ERBB4: variants seen among roughly 807,000 people sequenced by gnomAD.
The protein encoded by ERBB4 is erb-b2 receptor tyrosine kinase 4.
ERBB4 carries 42 observed loss-of-function variants against 158.0 expected under a neutral mutation model. The observed-to-expected ratio is 0.27, with a 90% CI of 0.21 to 0.34. ERBB4 has a LOEUF of 0.34. Ranked by LOEUF, ERBB4 falls within the 10% of genes least tolerant of loss-of-function variation. The pLI, the probability that ERBB4 is intolerant of heterozygous loss-of-function variation, is 1.00. For missense variants in ERBB4, 1,333 were observed against 1,624.1 expected (o/e 0.82, Z 3.08); for synonymous variants, 583 against 558.7 (o/e 1.04, Z -0.61).
intron 1 of ERBB4, among the ~76,000 whole-genome samples, chr2:212,215,527 A>G (rs984863580): frequency 6.6e-6 from 1 of 151,438 alleles, no homozygotes; most frequent in African/African-American, 2.4e-5. Context: ...TTTATATAGC[A>G]TGAAATAGAA....
At chr2:211,677,829 G>A (rs150766210) in intron 13 of ERBB4, among the ~76,000 whole-genome samples, 4,132 of 152,132 alleles carry the variant, frequency 0.027, 158 homozygotes, top group African/African-American at 0.082. Context: ...AGTCGAGATC[G>A]CACCACTGCG....
intron 1 of ERBB4, among the ~76,000 whole-genome samples, chr2:212,162,291 C>T (rs1196271227): frequency 6.6e-6 from 1 of 151,812 alleles, no homozygotes; most frequent in African/African-American, 2.4e-5. Context: ...ACCTTAAAAA[C>T]ATTATCTTTG....
chr2:212,314,064 AAAGT>A lies in ERBB4; in HGVS notation c.83-189165_83-189162del, dbSNP rs756438870. On this transcript the variant is annotated intron_variant, in intron 1 of 27. Transcript: ENST00000342788. ...AGACCAGAGGTCTTCTCGCTAAAAT[AAAGT>A]AAGATCCTACTTTAAGTTGGCTAAA... Among the ~76,000 whole-genome samples, 59 of 151,210 alleles carry A rather than the reference AAAGT, an allele frequency of 3.9e-4. 1 individual carries two copies. Among genetic ancestry groups the A allele is most frequent in the Non-Finnish European group, 8.9e-5 (6 of 67,424 alleles).
chr2:211,724,439 T>A (rs1384404676), intron 6 of ERBB4, among the ~76,000 whole-genome samples: 1 of 151,888 alleles, frequency 6.6e-6, no homozygotes, highest in East Asian at 1.9e-4. Flanking sequence ...TTCAACTATA[T>A]AAACATTTGT....
chr2:211,594,411 C>A (rs2068569043), intron 19 of ERBB4, among the ~76,000 whole-genome samples: 1 of 151,816 alleles, frequency 6.6e-6, no homozygotes, highest in African/African-American at 2.4e-5. Context: ...TGCACTCCAG[C>A]CTGGGCCACA....
chr2:212,513,751 G>T (rs1368282665), intron 1 of ERBB4, among the ~76,000 whole-genome samples: 1 of 152,148 alleles, frequency 6.6e-6, no homozygotes. Context: ...GGCGGAGCTT[G>T]CAGTGCGCCA....
At chr2:212,276,486 T>C (rs989834781) in intron 1 of ERBB4, among the ~76,000 whole-genome samples, 2 of 151,692 alleles carry the variant, frequency 1.3e-5, no homozygotes, top group African/African-American at 4.8e-5. Flanking sequence ...GTAAGACACA[T>C]GGCTTAGACA....
chr2:212,423,668 G>C (rs377565796), intron 1 of ERBB4, among the ~76,000 whole-genome samples: 5 of 152,146 alleles, frequency 3.3e-5, no homozygotes, highest in African/African-American at 7.2e-5. Context: ...AAAAATAATT[G>C]TAATACTGCA....
chr2:211,638,380 G>C (rs367923330), intron 16 of ERBB4, among the ~76,000 whole-genome samples: 3 of 152,158 alleles, frequency 2.0e-5, no homozygotes, highest in African/African-American at 4.8e-5. Flanking sequence ...CTACATTAAG[G>C]GAGTTCTTTT....
intron 2 of ERBB4, among the ~76,000 whole-genome samples, chr2:212,107,379 C>T (rs558804978): frequency 2.6e-5 from 4 of 152,220 alleles, no homozygotes; most frequent in Admixed American, 2.6e-4. Flanking sequence ...GGGACTTTAG[C>T]CCTTCATTCC....
At chr2:211,614,965 T>C (rs78845013) in intron 19 of ERBB4, among the ~76,000 whole-genome samples, 4,810 of 152,170 alleles carry the variant, frequency 0.032, 240 homozygotes, top group African/African-American at 0.11. Context: ...ATTTACATAA[T>C]AAAGTCAGAT....
chr2:212,269,075 G>T (rs2085252822), intron 1 of ERBB4, among the ~76,000 whole-genome samples: 1 of 151,814 alleles, frequency 6.6e-6, no homozygotes, highest in Non-Finnish European at 1.5e-5. Context: ...CACATGATGT[G>T]CAATGGAAAA....
At chr2:212,088,879 A>G (rs2078692425) in intron 2 of ERBB4, among the ~76,000 whole-genome samples, 1 of 152,282 alleles carries the variant, frequency 6.6e-6, no homozygotes, top group African/African-American at 2.4e-5. Context: ...GTACGCTATT[A>G]GACACTCAGT....
At position 211,539,685 on chromosome 2, in the gene ERBB4, T is replaced by C. The variant is rs373304881; in HGVS notation, c.2487+22218A>G. ...TAAGTGACTCCTTATAGTTCTTTAC[T>C]TGTCTGATGTTTCAATGCCATACTA... On this transcript the variant is annotated intron_variant, in intron 20 of 27. Coordinates refer to ENST00000342788, the MANE Select transcript of ERBB4 (RefSeq NM_005235.3). Among the ~76,000 whole-genome samples the C allele has an allele frequency of 2.6e-5, 4 of 152,094 alleles. No homozygotes were observed. The East Asian group carries it at 7.8e-4, about 30-fold the overall frequency.
chr2:211,408,689 A>T (rs926234598), intron 25 of ERBB4, among the ~76,000 whole-genome samples: 2 of 152,182 alleles, frequency 1.3e-5, no homozygotes, highest in East Asian at 3.8e-4. Flanking sequence ...TATTTACTAG[A>T]TAGGTCATTC....
chr2:212,369,204 TA>T (rs1380742477), intron 1 of ERBB4, among the ~76,000 whole-genome samples: 1 of 152,200 alleles, frequency 6.6e-6, no homozygotes. Context: ...AATTTATTGA[TA>T]AATTGCATGA....
chr2:211,865,088 C>CT (rs1212143435), intron 3 of ERBB4, among the ~76,000 whole-genome samples: 2 of 151,786 alleles, frequency 1.3e-5, no homozygotes, highest in East Asian at 3.9e-4. Flanking sequence ...CTTAAAATTC[C>CT]TTTTTTGGGT....
At chr2:212,188,931 A>G (rs539920821) in intron 1 of ERBB4, among the ~76,000 whole-genome samples, 75 of 152,242 alleles carry the variant, frequency 4.9e-4, no homozygotes, top group African/African-American at 1.7e-3. Context: ...ACATTCATTA[A>G]GAGCTAAAAA....
chr2:211,803,392 C>G (rs893189508), intron 3 of ERBB4, among the ~76,000 whole-genome samples: 2 of 152,140 alleles, frequency 1.3e-5, no homozygotes, highest in Admixed American at 6.5e-5. Flanking sequence ...ATAATAAACT[C>G]TACAACACTT....
Sources: allele counts gnomAD v4.1 joint callset (sites outside exome capture counted in the v4.1 genomes callset), GRCh38; gene constraint gnomAD v4.1.1; transcripts MANE v1.5; gene names NCBI Gene and HGNC (gene_info 2026-07-23, HGNC 2026-07-21).